YBEY: variants seen among roughly 807,000 people sequenced by gnomAD.
YBEY encodes the protein ybeY metalloendoribonuclease, also known as endoribonuclease YbeY.
In YBEY, 15 loss-of-function variants were observed where a neutral mutation model predicts 13.5. The observed-to-expected ratio is 1.11, with a 90% confidence interval of 0.75 to 1.72. The LOEUF (loss-of-function observed/expected upper bound fraction) is 1.72, where lower values mean the gene tolerates loss of function less well. Ranked by LOEUF, YBEY falls within the 40% of genes most tolerant of loss-of-function variation. The pLI, the probability that YBEY is intolerant of heterozygous loss-of-function variation, is 0.00. For synonymous variants in YBEY, 101 were observed against 83.1 expected (o/e 1.21, Z -1.17); for missense variants, 244 against 208.4 (o/e 1.17, Z -1.05).
downstream of YBEY, chr21:46,297,771 C>A (rs1475271424): frequency 4.8e-6 from 6 of 1,239,304 alleles, no homozygotes; most frequent in Admixed American, 4.2e-5. Context: ...GGGTATTTTT[C>A]GTTATTGTAA....
the YBEY span, among the ~76,000 whole-genome samples, chr21:46,304,848 G>A: frequency 1.3e-5 from 2 of 152,210 alleles, no homozygotes; most frequent in Non-Finnish European, 1.5e-5. Context: ...ATAAATGGAG[G>A]CAGAAATGTG....
the YBEY span, among the ~76,000 whole-genome samples, chr21:46,307,764 C>T: frequency 3.3e-5 from 5 of 152,156 alleles, no homozygotes; most frequent in African/African-American, 1.2e-4. Context: ...GGACAGCTGT[C>T]AGGTGATTCA....
chr21:46,287,390 C>T (rs370790951), intron 2 of YBEY, among the ~76,000 whole-genome samples: 17 of 148,476 alleles, frequency 1.1e-4, no homozygotes, highest in East Asian at 4.0e-4. Context: ...TTAGTAGAGA[C>T]GGGGGTTTTA....
chr21:46,291,454 G>T lies in YBEY; in HGVS notation c.331G>T (p.Val111Phe). Residue 111 changes from valine (V) to phenylalanine (F), a missense_variant, in exon 3 of 5, where the codon GTC (valine) becomes TTC (phenylalanine). By Grantham distance (50) the Val-to-Phe change is conservative. Coordinates refer to ENST00000397701, the MANE Select transcript of YBEY (RefSeq NM_001314025.2). ...TAAAGAAAATGAAGATTACAATGAC[G>T]TCCTGACTGTAAGCGGGGATGCTGA... is the stretch of plus-strand genomic sequence containing the variant. ...QCKENEDYNDVLTVTATHGLC... is the reference protein window; with the variant it reads ...QCKENEDYNDFLTVTATHGLC... 1 of 1,613,766 alleles carries T rather than the reference G, an allele frequency of 6.2e-7. No individual in the cohort carries two copies. Among genetic ancestry groups the T allele is most frequent in the Non-Finnish European group, 8.5e-7 (1 of 1,179,906 alleles).
In YBEY at chr21:46,297,547, G is replaced by C; in HGVS notation, c.417G>C (p.Gln139His). 8 of 1,397,496 alleles carry C rather than the reference G, an allele frequency of 5.7e-6. No individual in the cohort carries two copies. Among genetic ancestry groups the C allele is most frequent in the Non-Finnish European group, 7.5e-6 (8 of 1,063,876 alleles). 86.6% of individuals were successfully genotyped at this position (1,397,496 alleles called of 1,614,324 possible). ...CGCTTCCTTCCTTCCAGATGTTCCA[G>C]AAGGAGAAGGCGGTGCTGGACGAGC... ...GTEAEWQQMF[Q>H]KEKAVLDELG... Residue 139 changes from glutamine (Q) to histidine (H), a missense_variant, in exon 5 of 5, where the codon CAG (glutamine) becomes CAC (histidine). Coordinates refer to ENST00000397701, the MANE Select transcript of YBEY (RefSeq NM_001314025.2).
intron 3 of YBEY, among the ~76,000 whole-genome samples, chr21:46,292,607 C>T (rs1268723892): frequency 9.8e-5 from 12 of 123,048 alleles, no homozygotes; most frequent in Non-Finnish European, 1.5e-4. Flanking sequence ...GACCCGTGCC[C>T]GGGACTCAGT....
the YBEY span, among the ~76,000 whole-genome samples, chr21:46,304,647 T>C: frequency 6.6e-6 from 1 of 152,212 alleles, no homozygotes; most frequent in Non-Finnish European, 1.5e-5. Context: ...CTCTGGCGAC[T>C]GAAATTCTCA....
In YBEY at chr21:46,297,281, CCATGCCCCCCTTT is replaced by C. The variant is rs1458238226; in HGVS notation, c.409-256_409-244del. 1.3e-5 allele frequency among the ~76,000 whole-genome samples: 2 copies of C among 148,284 alleles called. 1 individual carries two copies. The highest frequency in any genetic ancestry group is 3.0e-5 in the Non-Finnish European group (2 of 66,430). On this transcript the variant is annotated intron_variant, in intron 4 of 4. Transcript: ENST00000397701. ...CTCCTCCCCCTTCCCTTCCCACCTC[CCATGCCCCCCTTT>C]CTTCCTCCCACTCCCCTCCCGAGGC...
In YBEY at chr21:46,286,918, G is replaced by A. The variant is rs1163934091; in HGVS notation, c.5G>A (p.Ser2Asn). 3.1e-6 allele frequency: 5 copies of A among 1,613,814 alleles called. No homozygotes were observed. The Admixed American group carries it at 5.0e-5, about 16-fold the overall frequency. Residue 2 changes from serine to asparagine, a missense_variant, in exon 2 of 5, where the codon AGT (serine) becomes AAT (asparagine). Transcript: ENST00000397701. ...GGGCTGGTTATTCTTCCTGAAATGA[G>A]TTTGGTGATTAGAAATCTGCAGCGA... Reference protein sequence around the residue: MSLVIRNLQRVI... With the variant: MNLVIRNLQRVI...
chr21:46,307,488 G>A, the YBEY span, among the ~76,000 whole-genome samples: 35,565 of 152,042 alleles, frequency 0.23, 4,716 homozygotes, highest in Middle Eastern at 0.34. Context: ...TTTAGCACCT[G>A]ACAGACTATC....
chr21:46,303,211 T>C, the YBEY span, among the ~76,000 whole-genome samples: 127,350 of 151,890 alleles, frequency 0.84, 53,966 homozygotes, highest in African/African-American at 0.9. Context: ...TAGTGGTGCA[T>C]GCCTGTAGTC....
At chr21:46,311,746 C>CCCA in the YBEY span, 1 of 411,760 alleles carries the variant, frequency 2.4e-6, no homozygotes, top group South Asian at 3.9e-5. Flanking sequence ...CAACCATCCA[C>CCCA]CCACTCATCC....
At chr21:46,286,604 C>G (rs972587097) in intron 1 of YBEY, 189 bp downstream of exon 1, 5 of 185,236 alleles carry the variant, frequency 2.7e-5, no homozygotes, top group African/African-American at 4.8e-5. Flanking sequence ...CGTCCGCGCG[C>G]CTCTCTCCGC....
chr21:46,287,358 T>C (rs541376814), intron 2 of YBEY, among the ~76,000 whole-genome samples: 1 of 152,002 alleles, frequency 6.6e-6, no homozygotes, highest in African/African-American at 2.4e-5. Flanking sequence ...CACGCCTGGC[T>C]AATTTTTTTT....
At chr21:46,305,541 G>A in the YBEY span, among the ~76,000 whole-genome samples, 1 of 151,946 alleles carries the variant, frequency 6.6e-6, no homozygotes, top group Non-Finnish European at 1.5e-5. Context: ...TGTTGCCCAG[G>A]CTGGTCTTGA....
At chr21:46,296,092 C>G in intron 3 of YBEY, 70 bp from the exon 4 acceptor site, 1 of 1,574,786 alleles carries the variant, frequency 6.4e-7, no homozygotes, top group Non-Finnish European at 8.7e-7. Context: ...GCCTGTGGCC[C>G]TGGGGTGGCC....
chr21:46,311,402 C>T, the YBEY span: 1 of 1,075,604 alleles, frequency 9.3e-7, no homozygotes, highest in Non-Finnish European at 1.3e-6. Context: ...GAACATTTTC[C>T]CTTTCAGTAG....
downstream of YBEY, among the ~76,000 whole-genome samples, chr21:46,299,047 CTTTTTTT>C (rs58361649): frequency 6.4e-5 from 7 of 108,854 alleles, no homozygotes; most frequent in South Asian, 1.8e-3. Context: ...TTCTTTCTTT[CTTTTTTT>C]TTTTTTTTTT....
chr21:46,286,700 A>G (rs17182504), intron 1 of YBEY, 170 bp from the exon 2 acceptor site: 1 of 417,968 alleles, frequency 2.4e-6, no homozygotes, highest in Admixed American at 4.5e-5. Flanking sequence ...ATTCCGCGGC[A>G]TCCTTCCATA....
Sources: allele counts gnomAD v4.1 joint callset (sites outside exome capture counted in the v4.1 genomes callset), GRCh38; gene constraint gnomAD v4.1.1; transcripts MANE v1.5; gene names NCBI Gene and HGNC (gene_info 2026-07-23, HGNC 2026-07-21).